ALKBH4: variants seen among roughly 807,000 people sequenced by gnomAD.
ALKBH4 encodes alkB homolog 4, lysine demethylase, also known as alpha-ketoglutarate-dependent dioxygenase alkB homolog 4.
A neutral mutation model predicts 12.1 loss-of-function variants in ALKBH4; 8 were observed. The ratio of observed to expected loss-of-function variants is 0.66; its 90% confidence interval spans 0.39 to 1.19. The LOEUF (loss-of-function observed/expected upper bound fraction) is 1.19. Ranked by LOEUF, ALKBH4 falls within the 50% of genes most tolerant of loss-of-function variation. ALKBH4 has a pLI of 0.01. For synonymous variants in ALKBH4, 195 were observed against 191.6 expected, an observed-to-expected ratio of 1.02 and a Z score of -0.15; for missense variants, 403 against 430.4, an observed-to-expected ratio of 0.94 and a Z score of 0.56.
intron 1 of ALKBH4, among the ~76,000 whole-genome samples, chr7:102,463,931 A>C (rs1797866499): frequency 6.6e-6 from 1 of 152,042 alleles, no homozygotes; most frequent in African/African-American, 2.4e-5. Flanking sequence ...TCTAAAATTC[A>C]CATTTGACTT....
chr7:102,458,537 C>G (rs912867747), intron 2 of ALKBH4, among the ~76,000 whole-genome samples: 5 of 151,842 alleles, frequency 3.3e-5, no homozygotes, highest in Non-Finnish European at 7.4e-5. Context: ...CCACCGTACT[C>G]CAGCTTGGGA....
At position 102,457,109 on chromosome 7, in the gene ALKBH4, G is replaced by A. The variant is rs543962124; in HGVS notation, c.*285C>T. 1.3e-4 allele frequency: 44 copies of A among 346,170 alleles called. No homozygotes were observed. Among genetic ancestry groups the A allele is most frequent in the African/African-American group, 8.0e-4 (38 of 47,596 alleles). The allele number at this position is 346,170 out of a possible 1,614,324, so 21.4% of individuals were successfully genotyped here. A position where few individuals can be genotyped will look rare whatever the true frequency, so the allele number is the denominator to read the frequency against. On this transcript the variant is annotated 3_prime_UTR_variant, in exon 3 of 3. Coordinates refer to ENST00000292566, the MANE Select transcript of ALKBH4 (RefSeq NM_017621.4). The surrounding 1 kb of genome is among the most constrained non-coding windows in gnomAD (Gnocchi z 5.9). The stretch of plus-strand genomic sequence containing the variant: ...CTCCCAAAGTGTTAGGATTACAGGT[G>A]TGAGCCACTGTGCCCGGCCCCCAGT...
At position 102,464,854 on chromosome 7, in the gene ALKBH4, C is replaced by A; in HGVS notation, c.-18G>T. On this transcript the variant is annotated 5_prime_UTR_variant, in exon 1 of 3. Coordinates refer to ENST00000292566, the MANE Select transcript of ALKBH4 (RefSeq NM_017621.4). ...GCCGCCATCGCGCCGTCCGCGTGGC[C>A]AGTGCGCAGGCGCGGCCGTGGGGGC... The A allele has an allele frequency of 6.7e-7, 1 of 1,491,968 alleles. No homozygotes were observed. The highest frequency in any genetic ancestry group is 2.5e-5 in the Admixed American group (1 of 39,880). 92.4% of individuals were successfully genotyped at this position (1,491,968 alleles called of 1,614,324 possible).
chr7:102,463,083 G>A (rs970066235), intron 1 of ALKBH4, among the ~76,000 whole-genome samples: 22 of 150,018 alleles, frequency 1.5e-4, no homozygotes, highest in Non-Finnish European at 2.4e-4. Context: ...TCAGCCTCCT[G>A]GGTAGCTGGG....
At chr7:102,462,734 T>A (rs1181341558) in intron 1 of ALKBH4, among the ~76,000 whole-genome samples, 3 of 152,008 alleles carry the variant, frequency 2.0e-5, no homozygotes, top group African/African-American at 4.8e-5. Context: ...CATTCAGAAC[T>A]TTTTCATCTT....
At position 102,461,785 on chromosome 7, in the gene ALKBH4, A is replaced by G. The variant is rs528075077; in HGVS notation, c.124-1984T>C. ...AGGACAGCCCCAAGAGGAAGGTACC[A>G]TAACTATCATGGGCAGGAGGTGTGG... On this transcript the variant is annotated intron_variant, in intron 1 of 2. Transcript: ENST00000292566. 3.3e-5 allele frequency among the ~76,000 whole-genome samples: 5 copies of G among 152,328 alleles called. No homozygotes were observed. The East Asian group carries it at 7.7e-4, about 24-fold the overall frequency.
At position 102,457,948 on chromosome 7, in the gene ALKBH4, T is replaced by A; in HGVS notation, c.355A>T (p.Lys119Ter). ...CCGCAGAAGCCCTCGGTCTTTAGCTTCTGTTTCCGAAAGTTGACTTTGGGG... is the reference window on the plus strand; with the variant it reads ...CCGCAGAAGCCCTCGGTCTTTAGCTACTGTTTCCGAAAGTTGACTTTGGGG... Reference protein sequence around the residue: ...YGPKVNFRKQKLKTEGFCGLP... With the variant: ...YGPKVNFRKQ Residue 119 changes from lysine to a stop codon, truncating the protein, a stop_gained, in exon 3 of 3, where the codon AAG becomes TAG. Transcript: ENST00000292566. LOFTEE classifies it low-confidence loss of function (END_TRUNC). The surrounding 1 kb of genome is among the most constrained non-coding windows in gnomAD (Gnocchi z 5.9). 2 of 1,611,006 alleles carry A rather than the reference T, an allele frequency of 1.2e-6. No homozygotes were observed. Among genetic ancestry groups the A allele is most frequent in the Non-Finnish European group, 1.7e-6 (2 of 1,178,262 alleles).
At chr7:102,458,944 G>A (rs185218209) in intron 2 of ALKBH4, among the ~76,000 whole-genome samples, 2 of 151,768 alleles carry the variant, frequency 1.3e-5, no homozygotes, top group African/African-American at 2.4e-5. Context: ...TCAGGAGTTC[G>A]AGACCAGCCT....
chr7:102,462,832 C>CTGTGACTA (rs930789758), intron 1 of ALKBH4, among the ~76,000 whole-genome samples: 6 of 152,208 alleles, frequency 3.9e-5, no homozygotes, highest in Non-Finnish European at 8.8e-5. Flanking sequence ...CTTTCTGTCC[C>CTGTGACTA]TGTGACTACC....
chr7:102,462,819 C>T (rs948808332), intron 1 of ALKBH4, among the ~76,000 whole-genome samples: 72 of 152,236 alleles, frequency 4.7e-4, no homozygotes, highest in African/African-American at 1.6e-3. Context: ...AACAACCCTT[C>T]TACTTTCTGT....
chr7:102,464,701 TC>T lies in ALKBH4; in HGVS notation c.123+12del. On this transcript the variant is annotated intron_variant, in intron 1 of 2. Coordinates refer to ENST00000292566, the MANE Select transcript of ALKBH4 (RefSeq NM_017621.4). ...GCGACGTTTGTGGGCGCGGCCCCTC[TC>T]CCACCCCTTACCGCTGGGGGCAGCT... 1 of 1,519,986 alleles carries T rather than the reference TC, an allele frequency of 6.6e-7. No homozygotes were observed. The highest frequency in any genetic ancestry group is 8.8e-7 in the Non-Finnish European group (1 of 1,137,476). 94.2% of individuals were successfully genotyped at this position (1,519,986 alleles called of 1,614,324 possible). A position where few individuals can be genotyped will look rare whatever the true frequency, so the allele number is the denominator to read the frequency against.
chr7:102,464,158 T>G (rs1797877998), intron 1 of ALKBH4, among the ~76,000 whole-genome samples: 1 of 152,102 alleles, frequency 6.6e-6, no homozygotes. Flanking sequence ...AGTCCTTCCA[T>G]GCCAGCCCAA....
chr7:102,459,136 AC>A, intron 2 of ALKBH4, among the ~76,000 whole-genome samples: 1 of 137,572 alleles, frequency 7.3e-6, no homozygotes. Flanking sequence ...GCAGAGCGAG[AC>A]TCTGTCTCAA....
intron 2 of ALKBH4, among the ~76,000 whole-genome samples, chr7:102,458,667 G>A (rs1013681566): frequency 1.3e-5 from 2 of 151,582 alleles, no homozygotes; most frequent in African/African-American, 4.9e-5. Flanking sequence ...GAGCCTGGGG[G>A]GTCAAGGCTG....
rs1797676860 is a variant in ALKBH4, at chr7:102,457,367, A to G, written c.*27T>C. On this transcript the variant is annotated 3_prime_UTR_variant, in exon 3 of 3. Coordinates refer to ENST00000292566, the MANE Select transcript of ALKBH4 (RefSeq NM_017621.4). The surrounding 1 kb of genome is among the most constrained non-coding windows in gnomAD (Gnocchi z 5.9). ...TGCTCCTCATTTCAATCCCGGGATC[A>G]GTCAAGTCTGGAGCCAAGGAGGCGG... 6.3e-7 allele frequency: 1 copy of G among 1,585,338 alleles called. No individual in the cohort carries two copies. The highest frequency in any genetic ancestry group is 1.1e-5 in the South Asian group (1 of 88,240).
rs1586729779 is a variant in ALKBH4 at position 102,459,392 on chromosome 7, C to G, written c.321+212G>C. On this transcript the variant is annotated intron_variant, in intron 2 of 2. Coordinates refer to ENST00000292566, the MANE Select transcript of ALKBH4 (RefSeq NM_017621.4). ...GCAGAGAGCCCAGGAGCGCATATCA[C>G]AGGGAGATGGGGTGCCCAGGTGCAC... 3 of 548,258 alleles carry G rather than the reference C, an allele frequency of 5.5e-6. No homozygotes were observed. The East Asian group carries it at 9.3e-5, about 17-fold the overall frequency. The allele number at this position is 548,258 out of a possible 1,614,324, so 34.0% of individuals were successfully genotyped here.
In ALKBH4 at chr7:102,457,076, A is replaced by AC. The variant is rs1420873337; in HGVS notation, c.*317dup. The AC allele has an allele frequency of 1.7e-5, 4 of 228,984 alleles. No individual in the cohort carries two copies. The highest frequency in any genetic ancestry group is 3.4e-5 in the Non-Finnish European group (4 of 117,664). 14.2% of individuals were successfully genotyped at this position (228,984 alleles called of 1,614,324 possible). A position where few individuals can be genotyped will look rare whatever the true frequency, so the allele number is the denominator to read the frequency against. ...ACTCCTGGCATCAAGTGATCCGCCC[A>AC]CCTCAGCCTCCCAAAGTGTTAGGAT... On this transcript the variant is annotated 3_prime_UTR_variant, in exon 3 of 3. Transcript: ENST00000292566. The surrounding 1 kb of genome is among the most constrained non-coding windows in gnomAD (Gnocchi z 5.9).
In ALKBH4 at chr7:102,464,713, C is replaced by G. The variant is rs1173187205; in HGVS notation, c.123+1G>C. The G allele has an allele frequency of 6.5e-7, 1 of 1,537,434 alleles. No individual in the cohort carries two copies. Among genetic ancestry groups the G allele is most frequent in the Non-Finnish European group, 8.7e-7 (1 of 1,145,768 alleles). ...GGCGCGGCCCCTCTCCCACCCCTTA[C>G]CGCTGGGGGCAGCTCCCAGGGCGGG... On this transcript the variant is annotated splice_donor_variant, in intron 1 of 2. Transcript: ENST00000292566. LOFTEE classifies it high-confidence loss of function.
chr7:102,464,285 C>T (rs147834049), intron 1 of ALKBH4, among the ~76,000 whole-genome samples: 1 of 152,328 alleles, frequency 6.6e-6, no homozygotes, highest in African/African-American at 2.4e-5. Flanking sequence ...CCTCCAGCTC[C>T]TGGGTTGCAG....
Sources: allele counts gnomAD v4.1 joint callset (sites outside exome capture counted in the v4.1 genomes callset), GRCh38; gene constraint gnomAD v4.1.1; non-coding constraint Gnocchi (gnomAD v3.1); transcripts MANE v1.5; gene names NCBI Gene and HGNC (gene_info 2026-07-23, HGNC 2026-07-21).